PTPRM: variants seen among roughly 807,000 people sequenced by gnomAD.
The protein encoded by PTPRM is receptor-type tyrosine-protein phosphatase mu.
In PTPRM, 47 loss-of-function variants were observed where a neutral mutation model predicts 186.7. That is an observed-to-expected ratio of 0.25 (90% CI 0.20 to 0.32). The LOEUF (loss-of-function observed/expected upper bound fraction) is 0.32, where lower values mean the gene tolerates loss of function less well. PTPRM is among the 10% of genes least tolerant of loss of function. PTPRM has a pLI of 1.00. For missense variants in PTPRM, 1,494 were observed against 1,865.0 expected (o/e 0.80, Z 3.66); for synonymous variants, 668 against 674.9 (o/e 0.99, Z 0.16).
At chr18:8,008,117 G>GA (rs2084300765) in intron 7 of PTPRM, among the ~76,000 whole-genome samples, 1 of 152,176 alleles carries the variant, frequency 6.6e-6, no homozygotes, top group Non-Finnish European at 1.5e-5. Context: ...GTGAAGAATG[G>GA]AAAATCGACT....
At chr18:8,292,692 T>C (rs1008800682) in intron 19 of PTPRM, among the ~76,000 whole-genome samples, 4 of 152,244 alleles carry the variant, frequency 2.6e-5, no homozygotes, top group African/African-American at 9.6e-5. Flanking sequence ...TTGCAAGAAG[T>C]TGAACTTTTC....
At chr18:7,746,058 A>G (rs1422448373) in intron 1 of PTPRM, among the ~76,000 whole-genome samples, 2 of 152,208 alleles carry the variant, frequency 1.3e-5, no homozygotes, top group African/African-American at 4.8e-5. Context: ...AGGAGAGAAT[A>G]GGGGGATAAA....
rs2036495864 is a variant in PTPRM, at chr18:7,568,676, G to A, written c.73+785G>A. Among the ~76,000 whole-genome samples, 1 of 152,200 alleles carries A rather than the reference G, an allele frequency of 6.6e-6. No individual in the cohort carries two copies. The highest frequency in any genetic ancestry group is 2.4e-5 in the African/African-American group (1 of 41,458). On this transcript the variant is annotated intron_variant, in intron 1 of 32. Transcript: ENST00000580170. This position sits in a 1 kb window ranked among gnomAD's most constrained non-coding sequence, Gnocchi z 5.1. ...CCGGCTGCCCGGGGGTCCCAGGTGG[G>A]AAGGAGAGGCACTGGCGGTGTGCGA... is the stretch of plus-strand genomic sequence containing the variant.
At chr18:7,934,102 G>A (rs2051652320) in intron 5 of PTPRM, among the ~76,000 whole-genome samples, 1 of 152,032 alleles carries the variant, frequency 6.6e-6, no homozygotes, top group African/African-American at 2.4e-5. Flanking sequence ...TGATCCCCAT[G>A]AACATAAGAA....
chr18:7,896,272 T>TA (rs995547886), intron 3 of PTPRM, among the ~76,000 whole-genome samples: 76 of 151,234 alleles, frequency 5.0e-4, no homozygotes, highest in African/African-American at 1.3e-3. Context: ...ATTGTGCTGA[T>TA]AAAAAAAAAG....
chr18:8,210,692 G>A (rs2093991441), intron 14 of PTPRM, among the ~76,000 whole-genome samples: 2 of 152,164 alleles, frequency 1.3e-5, no homozygotes, highest in Admixed American at 1.3e-4. Flanking sequence ...CTGGACTAGA[G>A]AAATAAAATT....
At chr18:7,757,643 C>T (rs985809932) in intron 1 of PTPRM, among the ~76,000 whole-genome samples, 12 of 152,052 alleles carry the variant, frequency 7.9e-5, no homozygotes, top group African/African-American at 1.4e-4. Flanking sequence ...GGCACAATCT[C>T]GTACGTAGGA....
At chr18:8,343,676 T>G (rs1056343920) in intron 23 of PTPRM, among the ~76,000 whole-genome samples, 156 bp downstream of exon 23, 2 of 152,332 alleles carry the variant, frequency 1.3e-5, no homozygotes, top group South Asian at 4.1e-4. Flanking sequence ...GCTTATAAAT[T>G]ATCAGTAAAC....
chr18:7,923,600 A>G (rs978043114), intron 4 of PTPRM, among the ~76,000 whole-genome samples: 1 of 152,224 alleles, frequency 6.6e-6, no homozygotes, highest in Non-Finnish European at 1.5e-5. Context: ...ATAAAGGTTT[A>G]TATTCCAAAT....
chr18:8,288,359 G>A (rs117492125), intron 19 of PTPRM, among the ~76,000 whole-genome samples: 4,105 of 152,302 alleles, frequency 0.027, 70 homozygotes, highest in Middle Eastern at 0.051. Context: ...TCCAGATAAG[G>A]GGGAGCCCCA....
At chr18:8,269,356 T>C (rs996086602) in intron 19 of PTPRM, among the ~76,000 whole-genome samples, 5 of 151,868 alleles carry the variant, frequency 3.3e-5, no homozygotes, top group African/African-American at 4.8e-5. Context: ...ATCTATACAC[T>C]GGAAACTAGA....
chr18:8,168,578 T>G (rs1884602459), intron 14 of PTPRM, among the ~76,000 whole-genome samples: 1 of 152,214 alleles, frequency 6.6e-6, no homozygotes, highest in Non-Finnish European at 1.5e-5. Flanking sequence ...AGTTCCATAT[T>G]CACTTTTCTT....
At chr18:8,215,950 CCTGT>C (rs1207055182) in intron 14 of PTPRM, among the ~76,000 whole-genome samples, 3 of 152,114 alleles carry the variant, frequency 2.0e-5, no homozygotes, top group Non-Finnish European at 4.4e-5. Flanking sequence ...AACCCAGCCC[CCTGT>C]CTGTCAATAA....
chr18:8,112,941 C>T (rs569452492), intron 11 of PTPRM, among the ~76,000 whole-genome samples: 1 of 152,286 alleles, frequency 6.6e-6, no homozygotes, highest in African/African-American at 2.4e-5. Flanking sequence ...CATTTCTTTC[C>T]ACTGACTGAA....
At chr18:8,157,728 G>T (rs1365183483) in intron 14 of PTPRM, among the ~76,000 whole-genome samples, 4 of 152,140 alleles carry the variant, frequency 2.6e-5, no homozygotes, top group Admixed American at 1.3e-4. Flanking sequence ...AAAGGTCCTG[G>T]GGCATCAATA....
At chr18:7,854,942 T>A (rs2047025558) in intron 2 of PTPRM, among the ~76,000 whole-genome samples, 1 of 152,086 alleles carries the variant, frequency 6.6e-6, no homozygotes, top group Non-Finnish European at 1.5e-5. Context: ...TTACTGCATA[T>A]CCTTGAAGGT....
chr18:8,363,605 C>T (rs2095610087), intron 23 of PTPRM, among the ~76,000 whole-genome samples: 1 of 152,144 alleles, frequency 6.6e-6, no homozygotes, highest in Non-Finnish European at 1.5e-5. Context: ...ATTGCCCTTG[C>T]TGGTGGCAAA....
intron 7 of PTPRM, among the ~76,000 whole-genome samples, chr18:8,056,139 T>TGG (rs1482887680): frequency 6.6e-6 from 1 of 152,214 alleles, no homozygotes; most frequent in Non-Finnish European, 1.5e-5. Flanking sequence ...TATTAATTTA[T>TGG]CTAATTATTT....
chr18:8,236,303 C>A (rs2147203886), intron 14 of PTPRM, among the ~76,000 whole-genome samples: 1 of 152,258 alleles, frequency 6.6e-6, no homozygotes, highest in Non-Finnish European at 1.5e-5. Context: ...AGAATTGACC[C>A]TTTTATCCTT....
Sources: allele counts gnomAD v4.1 joint callset (sites outside exome capture counted in the v4.1 genomes callset), GRCh38; gene constraint gnomAD v4.1.1; non-coding constraint Gnocchi (gnomAD v3.1); transcripts MANE v1.5; gene names NCBI Gene and HGNC (gene_info 2026-07-23, HGNC 2026-07-21).